SLC8A1: variants seen among roughly 807,000 people sequenced by gnomAD.
SLC8A1 encodes the protein solute carrier family 8 member A1.
A neutral mutation model predicts 68.3 loss-of-function variants in SLC8A1; 18 were observed. The observed-to-expected ratio is 0.26, with a 90% CI of 0.18 to 0.39. The LOEUF (loss-of-function observed/expected upper bound fraction) is 0.39. Ranked by LOEUF, SLC8A1 falls within the 10% of genes least tolerant of loss-of-function variation. The pLI is 1.00. For missense variants in SLC8A1, 985 were observed against 1,156.7 expected, an observed-to-expected ratio of 0.85 and a Z score of 2.15; for synonymous variants, 475 against 415.5, an observed-to-expected ratio of 1.14 and a Z score of -1.74.
At chr2:40,288,363 T>G (rs767467645) in intron 2 of SLC8A1, among the ~76,000 whole-genome samples, 1 of 152,170 alleles carries the variant, frequency 6.6e-6, no homozygotes, top group Non-Finnish European at 1.5e-5. Context: ...GAGGGAATAC[T>G]TGCTCAACTA....
At chr2:40,233,997 T>C (rs2060025737) in intron 2 of SLC8A1, among the ~76,000 whole-genome samples, 1 of 152,214 alleles carries the variant, frequency 6.6e-6, no homozygotes. Flanking sequence ...TTGGTTACTG[T>C]AGCCTTGTAG....
chr2:40,234,306 G>T (rs2060073972), intron 2 of SLC8A1, among the ~76,000 whole-genome samples: 1 of 151,336 alleles, frequency 6.6e-6, no homozygotes, highest in South Asian at 2.1e-4. Context: ...CCTTGAAGAG[G>T]TCCTTCACAT....
intron 2 of SLC8A1, among the ~76,000 whole-genome samples, chr2:40,252,231 TAC>T (rs2062873102): frequency 6.6e-6 from 1 of 152,220 alleles, no homozygotes; most frequent in Admixed American, 6.5e-5. Flanking sequence ...TTTATTCTTT[TAC>T]AGAGTTTGAG....
At chr2:40,232,925 A>G (rs1476883464) in intron 2 of SLC8A1, among the ~76,000 whole-genome samples, 2 of 150,674 alleles carry the variant, frequency 1.3e-5, no homozygotes, top group Non-Finnish European at 3.0e-5. Context: ...AAAGGACATG[A>G]ACTCATCCTT....
intron 2 of SLC8A1, among the ~76,000 whole-genome samples, chr2:40,340,392 C>A (rs895744312): frequency 1.3e-5 from 2 of 152,094 alleles, no homozygotes; most frequent in Non-Finnish European, 2.9e-5. Flanking sequence ...GAACTCTCAT[C>A]CCTACTAAAA....
intron 2 of SLC8A1, among the ~76,000 whole-genome samples, chr2:40,263,707 T>C (rs543921084): frequency 9.0e-4 from 137 of 152,116 alleles, no homozygotes; most frequent in Non-Finnish European, 1.5e-3. Context: ...ATACAAAAAT[T>C]AATTCAAGAT....
chr2:40,414,267 C>G (rs1432556366), intron 2 of SLC8A1, among the ~76,000 whole-genome samples: 1 of 152,150 alleles, frequency 6.6e-6, no homozygotes, highest in African/African-American at 2.4e-5. Flanking sequence ...TGTTGAGATT[C>G]TGGCCACAAA....
In SLC8A1 at chr2:40,178,303, G is replaced by C. The variant is rs1375713551; in HGVS notation, c.1809-448C>G. On this transcript the variant is annotated intron_variant, in intron 2 of 7. Coordinates refer to ENST00000406785, the Ensembl canonical transcript of SLC8A1. ...AGGTGGAGGGATGTGTGCATTGTAA[G>C]TCATGTTCTGAAGAGTGCAGGCATC... The C allele has an allele frequency of 1.6e-5, 16 of 994,184 alleles. No homozygotes were observed. In the Admixed American group the frequency reaches 2.8e-4, roughly 17 times the overall value. 61.6% of individuals were successfully genotyped at this position (994,184 alleles called of 1,614,324 possible). A position where few individuals can be genotyped will look rare whatever the true frequency, so the allele number is the denominator to read the frequency against.
intron 2 of SLC8A1, among the ~76,000 whole-genome samples, chr2:40,400,622 A>T (rs1391274084): frequency 6.6e-6 from 1 of 152,142 alleles, no homozygotes; most frequent in Non-Finnish European, 1.5e-5. Context: ...AGGAAATGAG[A>T]GGGTGTTCCT....
chr2:40,352,441 G>C (rs1326567963), intron 2 of SLC8A1, among the ~76,000 whole-genome samples: 2 of 152,126 alleles, frequency 1.3e-5, no homozygotes, highest in Non-Finnish European at 2.9e-5. Context: ...TCTATTCATT[G>C]TCCAAAGGCT....
At chr2:40,327,460 G>T (rs879703445) in intron 2 of SLC8A1, among the ~76,000 whole-genome samples, 1 of 152,096 alleles carries the variant, frequency 6.6e-6, no homozygotes, top group Non-Finnish European at 1.5e-5. Flanking sequence ...GCCAAATTTC[G>T]CAGCATAGCT....
intron 1 of SLC8A1, among the ~76,000 whole-genome samples, chr2:40,508,743 A>G (rs1479674394): frequency 1.3e-5 from 2 of 152,210 alleles, no homozygotes; most frequent in East Asian, 3.9e-4. Flanking sequence ...GAGAAAGTAC[A>G]TTTTTTTCCT....
chr2:40,356,150 C>G (rs1244634912), intron 2 of SLC8A1, among the ~76,000 whole-genome samples: 1 of 152,172 alleles, frequency 6.6e-6, no homozygotes, highest in Admixed American at 6.5e-5. Context: ...CTACCCACCC[C>G]CAGTTAAACA....
intron 2 of SLC8A1, chr2:40,254,299 C>A (rs1420685527): frequency 1.3e-5 from 2 of 150,202 alleles, no homozygotes; most frequent in Non-Finnish European, 2.9e-5. Flanking sequence ...GAATGCCACA[C>A]CTTGTGAGAC....
At chr2:40,371,755 C>G (rs1292338174) in intron 2 of SLC8A1, among the ~76,000 whole-genome samples, 1 of 152,046 alleles carries the variant, frequency 6.6e-6, no homozygotes, top group Non-Finnish European at 1.5e-5. Context: ...TGTCTCCCAG[C>G]AGAAAGAGTT....
At chr2:40,135,544 CCT>C (rs1558483643) in intron 7 of SLC8A1, among the ~76,000 whole-genome samples, 3 of 152,030 alleles carry the variant, frequency 2.0e-5, no homozygotes, top group African/African-American at 4.8e-5. Flanking sequence ...ACGGTGAAAT[CCT>C]CTCTCTACTA....
intron 4 of SLC8A1, among the ~76,000 whole-genome samples, chr2:40,171,727 G>C (rs549193262): frequency 6.6e-6 from 1 of 152,268 alleles, no homozygotes; most frequent in South Asian, 2.1e-4. Context: ...CTATAAGATT[G>C]GTGATAAAGT....
At chr2:40,473,572 A>G (rs1335056445) in intron 1 of SLC8A1, among the ~76,000 whole-genome samples, 3 of 152,200 alleles carry the variant, frequency 2.0e-5, no homozygotes, top group African/African-American at 4.8e-5. Context: ...CTATATTTCA[A>G]CTTCCTAGAA....
chr2:40,403,461 T>A (rs2149667831), intron 2 of SLC8A1, among the ~76,000 whole-genome samples: 1 of 152,252 alleles, frequency 6.6e-6, no homozygotes, highest in South Asian at 2.1e-4. Flanking sequence ...GCTAATGTCT[T>A]TATGCGTACC....
Sources: allele counts gnomAD v4.1 joint callset (sites outside exome capture counted in the v4.1 genomes callset), GRCh38; gene constraint gnomAD v4.1.1; transcripts MANE v1.5; gene names NCBI Gene and HGNC (gene_info 2026-07-23, HGNC 2026-07-21).